The following MACROD2 variants were observed in gnomAD, a reference collection of about 807,000 sequenced individuals.
The protein encoded by MACROD2 is mono-ADP ribosylhydrolase 2, also known as ADP-ribose glycohydrolase MACROD2.
MACROD2 carries 36 observed loss-of-function variants against 70.4 expected under a neutral mutation model. The ratio of observed to expected loss-of-function variants is 0.51; its 90% CI spans 0.39 to 0.68. MACROD2 has a LOEUF of 0.68. Among genes scored for constraint, MACROD2 ranks in the 30% least tolerant of loss-of-function variants. The probability of loss-of-function intolerance (pLI) is 0.00; values close to 1 mark genes in which losing one functional copy is unlikely to be tolerated. For synonymous variants in MACROD2, 172 were observed against 178.8 expected, an observed-to-expected ratio of 0.96 and a Z score of 0.30; for missense variants, 496 against 538.4, an observed-to-expected ratio of 0.92 and a Z score of 0.78.
At chr20:15,122,100 A>G (rs539834837) in intron 5 of MACROD2, among the ~76,000 whole-genome samples, 3 of 152,294 alleles carry the variant, frequency 2.0e-5, no homozygotes, top group Admixed American at 6.5e-5. Context: ...TATTTTCTTC[A>G]TGCTAAAACA....
chr20:15,406,393 G>A (rs1411987079), intron 6 of MACROD2, among the ~76,000 whole-genome samples: 1 of 152,182 alleles, frequency 6.6e-6, no homozygotes, highest in Non-Finnish European at 1.5e-5. Context: ...AGCTAAGCAT[G>A]TTACCAGATG....
At chr20:14,700,537 G>GTA (rs2071184839) in intron 5 of MACROD2, among the ~76,000 whole-genome samples, 1 of 151,642 alleles carries the variant, frequency 6.6e-6, no homozygotes. Context: ...GTGTGTGTGT[G>GTA]TGTGTGTGTG....
At chr20:14,503,310 A>T (rs1031217756) in intron 4 of MACROD2, among the ~76,000 whole-genome samples, 1 of 152,194 alleles carries the variant, frequency 6.6e-6, no homozygotes, top group African/African-American at 2.4e-5. Context: ...TCATGGGGAC[A>T]CCTGACCCTG....
chr20:15,333,112 A>T (rs2078010508), intron 6 of MACROD2, among the ~76,000 whole-genome samples: 1 of 151,596 alleles, frequency 6.6e-6, no homozygotes, highest in Admixed American at 6.6e-5. Context: ...ATTTACCTAG[A>T]GCAATGGTTC....
At chr20:15,045,458 C>G (rs2075385823) in intron 5 of MACROD2, among the ~76,000 whole-genome samples, 1 of 152,106 alleles carries the variant, frequency 6.6e-6, no homozygotes, top group Non-Finnish European at 1.5e-5. Context: ...AGAAAGAGTG[C>G]TTGCAGGCAT....
At chr20:15,689,280 G>C (rs2146874775) in intron 8 of MACROD2, among the ~76,000 whole-genome samples, 1 of 152,008 alleles carries the variant, frequency 6.6e-6, no homozygotes, top group Admixed American at 6.6e-5. Context: ...GTCTAGCCTG[G>C]GTGACAAGAT....
intron 3 of MACROD2, among the ~76,000 whole-genome samples, chr20:14,228,777 G>A (rs1045456931): frequency 6.6e-6 from 1 of 152,044 alleles, no homozygotes; most frequent in Non-Finnish European, 1.5e-5. Flanking sequence ...AGAGGCCAAC[G>A]GGTGGTTTAC....
chr20:14,275,106 T>C (rs1260223461), intron 3 of MACROD2, among the ~76,000 whole-genome samples: 1 of 152,188 alleles, frequency 6.6e-6, no homozygotes, highest in Non-Finnish European at 1.5e-5. Flanking sequence ...CCAATGACTT[T>C]CTTTACAGAA....
chr20:15,219,787 G>T (rs34976865), intron 5 of MACROD2, among the ~76,000 whole-genome samples: 1,613 of 152,242 alleles, frequency 0.011, 12 homozygotes, highest in South Asian at 0.017. Context: ...AATGTGAATA[G>T]TGAGCCCATT....
chr20:15,064,785 C>A (rs1216450713), intron 5 of MACROD2, among the ~76,000 whole-genome samples: 1 of 152,158 alleles, frequency 6.6e-6, no homozygotes, highest in African/African-American at 2.4e-5. Flanking sequence ...CTCCGCAAAA[C>A]GGCACACTTG....
intron 4 of MACROD2, among the ~76,000 whole-genome samples, chr20:14,549,107 G>A (rs1487962563): frequency 6.6e-6 from 1 of 152,186 alleles, no homozygotes; most frequent in East Asian, 1.9e-4. Context: ...AAGTCATGGA[G>A]ATCTGGGCAG....
At chr20:14,161,077 T>G (rs183549486) in intron 3 of MACROD2, among the ~76,000 whole-genome samples, 1 of 152,320 alleles carries the variant, frequency 6.6e-6, no homozygotes, top group East Asian at 1.9e-4. Flanking sequence ...CACTTATAAG[T>G]GAGGACATGC....
At chr20:15,904,227 G>A (rs1282238208) in intron 10 of MACROD2, among the ~76,000 whole-genome samples, 1 of 151,972 alleles carries the variant, frequency 6.6e-6, no homozygotes, top group Non-Finnish European at 1.5e-5. Flanking sequence ...CTATGTTGCT[G>A]AGGCTGGTCT....
chr20:15,163,948 CA>C (rs2145878138), intron 5 of MACROD2, among the ~76,000 whole-genome samples: 1 of 151,982 alleles, frequency 6.6e-6, no homozygotes, highest in East Asian at 1.9e-4. Context: ...ATGAAACAGA[CA>C]AAAATCCTTC....
chr20:14,382,421 C>A (rs559819165), intron 3 of MACROD2, among the ~76,000 whole-genome samples: 1 of 151,964 alleles, frequency 6.6e-6, no homozygotes, highest in South Asian at 2.1e-4. Context: ...GTAATCCCAG[C>A]ACTTTGGGAG....
intron 8 of MACROD2, among the ~76,000 whole-genome samples, chr20:15,766,361 G>T (rs73244052): frequency 0.017 from 2,604 of 152,234 alleles, 71 homozygotes; most frequent in African/African-American, 0.059. Flanking sequence ...GGTTCTCTTT[G>T]CTTTTCTAGG....
Position 14,498,896 on chromosome 20 carries a change from G to A in MACROD2, c.301+5388G>A, listed in dbSNP as rs188037488. Among the ~76,000 whole-genome samples the A allele has an allele frequency of 3.0e-4, 45 of 152,292 alleles. No individual in the cohort carries two copies. The East Asian group carries it at 7.9e-3, about 27-fold the overall frequency. ...CAACATCCTGCAGTGATTCTGTTTC[G>A]CTCTTGTTAAACCTCCAGATGTGGC... On this transcript the variant is annotated intron_variant, in intron 4 of 17. Coordinates refer to ENST00000684519, the MANE Select transcript of MACROD2 (RefSeq NM_001351661.2).
intron 5 of MACROD2, among the ~76,000 whole-genome samples, chr20:14,951,539 G>A (rs1423223921): frequency 1.3e-5 from 2 of 152,098 alleles, no homozygotes; most frequent in African/African-American, 4.8e-5. Flanking sequence ...GAGGAGTGGT[G>A]GCACCTGTAC....
chr20:15,605,304 G>C (rs539547213), intron 8 of MACROD2, among the ~76,000 whole-genome samples: 1 of 152,108 alleles, frequency 6.6e-6, no homozygotes, highest in African/African-American at 2.4e-5. Context: ...CTGTCTTGGG[G>C]CATCATTCTT....
Sources: allele counts gnomAD v4.1 joint callset (sites outside exome capture counted in the v4.1 genomes callset), GRCh38; gene constraint gnomAD v4.1.1; transcripts MANE v1.5; gene names NCBI Gene and HGNC (gene_info 2026-07-23, HGNC 2026-07-21).